Variants in GALNTL6 observed in about 807,000 individuals in gnomAD.
GALNTL6 encodes the protein polypeptide N-acetylgalactosaminyltransferase-like 6.
Under a neutral mutation model 73.7 loss-of-function variants are expected in GALNTL6, and 46 were observed. That is an observed-to-expected ratio of 0.62 (90% CI 0.49 to 0.80). The LOEUF (loss-of-function observed/expected upper bound fraction) is 0.80. Among genes scored for constraint, GALNTL6 ranks in the 30% least tolerant of loss-of-function variants. The pLI is 0.00. For synonymous variants in GALNTL6, 259 were observed against 263.7 expected (o/e 0.98, Z 0.17); for missense variants, 604 against 755.0 (o/e 0.80, Z 2.34).
intron 2 of GALNTL6, among the ~76,000 whole-genome samples, chr4:172,222,437 A>G (rs941840501): frequency 2.6e-5 from 4 of 152,028 alleles, no homozygotes; most frequent in East Asian, 1.9e-4. Flanking sequence ...GAACTTTACT[A>G]TATGATAAAA....
At chr4:171,888,015 T>C (rs1004779878) in intron 2 of GALNTL6, among the ~76,000 whole-genome samples, 1 of 152,140 alleles carries the variant, frequency 6.6e-6, no homozygotes, top group Non-Finnish European at 1.5e-5. Context: ...GTTTAGTCTT[T>C]TTGTTTATTC....
intron 5 of GALNTL6, among the ~76,000 whole-genome samples, chr4:172,679,693 A>C (rs758752056): frequency 6.6e-6 from 1 of 152,180 alleles, no homozygotes. Context: ...TATTGTGCAT[A>C]GTTCATATAC....
chr4:172,790,595 A>G (rs967178784), intron 5 of GALNTL6, among the ~76,000 whole-genome samples: 4 of 152,220 alleles, frequency 2.6e-5, no homozygotes, highest in Non-Finnish European at 4.4e-5. Context: ...TTATCATGGC[A>G]GCTCCAGCTG....
At chr4:172,674,360 A>G (rs1190908566) in intron 5 of GALNTL6, among the ~76,000 whole-genome samples, 2 of 152,086 alleles carry the variant, frequency 1.3e-5, no homozygotes, top group Non-Finnish European at 2.9e-5. Flanking sequence ...TTTCCTTTGT[A>G]GGTGACCTGA....
intron 10 of GALNTL6, among the ~76,000 whole-genome samples, chr4:173,007,577 C>G (rs963669308): frequency 6.6e-6 from 1 of 152,114 alleles, no homozygotes; most frequent in Non-Finnish European, 1.5e-5. Context: ...GAGGCCGAGG[C>G]AGGTGGATCA....
chr4:172,556,083 C>G (rs748431752), intron 5 of GALNTL6, among the ~76,000 whole-genome samples: 1 of 152,094 alleles, frequency 6.6e-6, no homozygotes, highest in Non-Finnish European at 1.5e-5. Context: ...TGATTTTAAA[C>G]TTAAATGTGC....
intron 3 of GALNTL6, among the ~76,000 whole-genome samples, chr4:172,305,043 A>G (rs1000451999): frequency 2.6e-5 from 4 of 152,118 alleles, no homozygotes; most frequent in Admixed American, 2.6e-4. Flanking sequence ...TTTTCCCTAT[A>G]TCTTTTCAAT....
chr4:172,947,165 A>C (rs1359245150), intron 9 of GALNTL6, among the ~76,000 whole-genome samples: 2 of 152,166 alleles, frequency 1.3e-5, no homozygotes, highest in African/African-American at 2.4e-5. Flanking sequence ...AGTCTCTGCT[A>C]CTGCCTGAAA....
chr4:172,641,260 G>C (rs1010361111), intron 5 of GALNTL6, among the ~76,000 whole-genome samples: 5 of 152,038 alleles, frequency 3.3e-5, no homozygotes, highest in Non-Finnish European at 5.9e-5. Context: ...ATCTTTTTAA[G>C]ACATAAGTCA....
intron 5 of GALNTL6, among the ~76,000 whole-genome samples, chr4:172,642,545 A>G (rs542609090): frequency 2.7e-4 from 41 of 152,106 alleles, no homozygotes; most frequent in African/African-American, 9.1e-4. Flanking sequence ...GAAGTAAAAA[A>G]TAGAATGGTA....
intron 7 of GALNTL6, among the ~76,000 whole-genome samples, chr4:172,856,278 G>T (rs1744117478): frequency 6.6e-6 from 1 of 152,120 alleles, no homozygotes; most frequent in South Asian, 2.1e-4. Flanking sequence ...CAGCTCAAAA[G>T]CACAAGTCAA....
At chr4:172,028,616 T>A (rs1167223018) in intron 2 of GALNTL6, among the ~76,000 whole-genome samples, 1 of 152,070 alleles carries the variant, frequency 6.6e-6, no homozygotes, top group African/African-American at 2.4e-5. Context: ...ATTTTAATTA[T>A]CTGTGTTCTT....
rs1311677643 is a variant in GALNTL6, at chr4:172,095,502, A to AC, written c.139-134154_139-134153insC. Among the ~76,000 whole-genome samples the AC allele has an allele frequency of 2.6e-5, 4 of 152,256 alleles. No individual in the cohort carries two copies. The East Asian group carries it at 5.8e-4, about 22-fold the overall frequency. Reference sequence around the variant, plus strand: ...GAACATTAATCAAACAGGAAAAAGCAGTACCCTTTGTTATATATTTGCGTG... The same window carrying AC: ...GAACATTAATCAAACAGGAAAAAGCACGTACCCTTTGTTATATATTTGCGTG... On this transcript the variant is annotated intron_variant, in intron 2 of 12. Coordinates refer to ENST00000506823, the MANE Select transcript of GALNTL6 (RefSeq NM_001034845.3).
At chr4:172,040,984 AT>A (rs1742073317) in intron 2 of GALNTL6, among the ~76,000 whole-genome samples, 3 of 152,088 alleles carry the variant, frequency 2.0e-5, no homozygotes, top group Admixed American at 1.3e-4. Context: ...AATAATTTTC[AT>A]TGTTTATACA....
At chr4:172,604,844 T>A (rs1738197127) in intron 5 of GALNTL6, among the ~76,000 whole-genome samples, 1 of 152,206 alleles carries the variant, frequency 6.6e-6, no homozygotes, top group South Asian at 2.1e-4. Context: ...AAATAGCATT[T>A]CCACCATGGA....
In GALNTL6 at chr4:172,379,758, C is replaced by T. The variant is rs117820934; in HGVS notation, c.553+31069C>T. On this transcript the variant is annotated intron_variant, in intron 5 of 12. Coordinates refer to ENST00000506823, the MANE Select transcript of GALNTL6 (RefSeq NM_001034845.3). ...CACAGTGCTTTACACTTAAACCAGG[C>T]TTGGGGAAATGAATAAAAGCAGAGA... is the stretch of plus-strand genomic sequence containing the variant. Among the ~76,000 whole-genome samples the T allele has an allele frequency of 8.1e-4, 124 of 152,252 alleles. 1 individual carries two copies. The South Asian group carries it at 0.016, about 20-fold the overall frequency.
chr4:172,078,207 T>C (rs961298813), intron 2 of GALNTL6, among the ~76,000 whole-genome samples: 5 of 152,126 alleles, frequency 3.3e-5, no homozygotes, highest in African/African-American at 4.8e-5. Flanking sequence ...GTGGAAGTGA[T>C]TGGAACATGG....
At chr4:171,857,482 G>T (rs1735725077) in intron 2 of GALNTL6, among the ~76,000 whole-genome samples, 1 of 152,098 alleles carries the variant, frequency 6.6e-6, no homozygotes, top group Non-Finnish European at 1.5e-5. Context: ...TAAGGAGTGG[G>T]CTGATAAGGT....
At chr4:172,658,156 A>AAAAAAAAAAAAG in intron 5 of GALNTL6, among the ~76,000 whole-genome samples, 1 of 119,168 alleles carries the variant, frequency 8.4e-6, no homozygotes, top group African/African-American at 3.2e-5. Flanking sequence ...TCTCAAAAAA[A>AAAAAAAAAAAAG]AAAAAAAAAA....
Sources: allele counts gnomAD v4.1 joint callset (sites outside exome capture counted in the v4.1 genomes callset), GRCh38; gene constraint gnomAD v4.1.1; transcripts MANE v1.5; gene names NCBI Gene and HGNC (gene_info 2026-07-23, HGNC 2026-07-21).